OSBPL11: variants seen among roughly 807,000 people sequenced by gnomAD.
The protein encoded by OSBPL11 is oxysterol-binding protein-related protein 11.
Under a neutral mutation model 84.4 loss-of-function variants are expected in OSBPL11, and 33 were observed. The observed-to-expected ratio is 0.39, with a 90% CI of 0.30 to 0.52. OSBPL11 has a LOEUF of 0.52. Among genes scored for constraint, OSBPL11 ranks in the 20% least tolerant of loss-of-function variants. The pLI is 0.72. For synonymous variants in OSBPL11, 276 were observed against 310.2 expected (o/e 0.89, Z 1.16); for missense variants, 736 against 901.1 (o/e 0.82, Z 2.35).
rs750401475 is a variant in OSBPL11 at position 125,563,756 on chromosome 3, C to T, written c.956G>A (p.Ser319Asn). The change falls in exon 7 of 13, where the codon AGT (serine) becomes AAT (asparagine). Residue 319 changes from serine (S) to asparagine (N), a missense_variant. Transcript: ENST00000296220. ...CTCTTCTGGGACTGCCACCGGCTTACTCTGATCAGTTGCAAAGGGCTGGTC... is the reference window on the plus strand; with the variant it reads ...CTCTTCTGGGACTGCCACCGGCTTATTCTGATCAGTTGCAAAGGGCTGGTC... ...GADQPFATDQ[S>N]KPVAVPEEQP... 22 of 1,614,044 alleles carry T rather than the reference C, an allele frequency of 1.4e-5. No homozygotes were observed. The South Asian group carries it at 2.4e-4, about 18-fold the overall frequency.
intron 11 of OSBPL11, among the ~76,000 whole-genome samples, chr3:125,532,663 G>A (rs1176834683): frequency 1.3e-5 from 2 of 150,974 alleles, no homozygotes; most frequent in Admixed American, 6.6e-5. Flanking sequence ...TGGGACAACT[G>A]GATATACATG....
intron 8 of OSBPL11, among the ~76,000 whole-genome samples, 157 bp downstream of exon 8, chr3:125,560,222 T>C (rs903110939): frequency 3.3e-5 from 5 of 151,962 alleles, no homozygotes; most frequent in African/African-American, 7.3e-5. Context: ...GATCGCACCA[T>C]TGCACTCCAG....
chr3:125,582,830 T>C (rs1290086046), intron 2 of OSBPL11, 80 bp downstream of exon 2: 1 of 1,041,558 alleles, frequency 9.6e-7, no homozygotes, highest in Non-Finnish European at 1.4e-6. Flanking sequence ...CTGTCTAAAG[T>C]AATATCAAAA....
At position 125,567,409 on chromosome 3, in the gene OSBPL11, C is replaced by T; in HGVS notation, c.853G>A (p.Gly285Ser). Residue 285 changes from glycine to serine, a missense_variant, in exon 6 of 13, where the codon GGC becomes AGC. Gly to Ser is a moderately conservative substitution (Grantham distance 56, BLOSUM62 0). Around this residue, in one of 3 missense-constraint regions of OSBPL11, gnomAD observed 579 missense variants for 717.6 expected, o/e 0.81. Transcript: ENST00000296220. The stretch of plus-strand genomic sequence containing the variant: ...GACAACTTACCTGAAGGCAATGAGC[C>T]CTTCTGATGTGATGCATGCTGTAAC... Reference protein sequence around the residue: ...LQLQHASHQKGSLPSGTTIEW... With the variant: ...LQLQHASHQKSSLPSGTTIEW... 1.2e-6 allele frequency: 2 copies of T among 1,613,620 alleles called. No individual in the cohort carries two copies. Among genetic ancestry groups the T allele is most frequent in the Non-Finnish European group, 1.7e-6 (2 of 1,179,710 alleles).
At chr3:125,591,991 G>C (rs1017126665) in intron 1 of OSBPL11, among the ~76,000 whole-genome samples, 1 of 151,980 alleles carries the variant, frequency 6.6e-6, no homozygotes, top group South Asian at 2.1e-4. Flanking sequence ...GACAGAGAGA[G>C]ACCTTGTCTC....
chr3:125,587,450 T>A (rs1029469088), intron 1 of OSBPL11, among the ~76,000 whole-genome samples: 1 of 152,154 alleles, frequency 6.6e-6, no homozygotes, highest in Admixed American at 6.5e-5. Context: ...ATAACTGGTA[T>A]TTGAAGTTAC....
intron 7 of OSBPL11, among the ~76,000 whole-genome samples, chr3:125,562,189 T>A (rs1053962539): frequency 2.0e-5 from 3 of 152,180 alleles, no homozygotes; most frequent in Non-Finnish European, 2.9e-5. Context: ...ATAGCCTACA[T>A]GGTATCAATT....
At chr3:125,570,619 T>C (rs1455453317) in intron 5 of OSBPL11, among the ~76,000 whole-genome samples, 1 of 152,110 alleles carries the variant, frequency 6.6e-6, no homozygotes, top group Non-Finnish European at 1.5e-5. Context: ...TGGGGGAAGG[T>C]CTTTCCCATG....
rs532909610 is a variant in OSBPL11 at position 125,573,065 on chromosome 3, T to C, written c.666+3124A>G. 2.6e-5 allele frequency among the ~76,000 whole-genome samples: 4 copies of C among 151,028 alleles called. No individual in the cohort carries two copies. The South Asian group carries it at 6.2e-4, about 24-fold the overall frequency. On this transcript the variant is annotated intron_variant, in intron 5 of 12. Coordinates refer to ENST00000296220, the MANE Select transcript of OSBPL11 (RefSeq NM_022776.5). ...TTGCAGTCTGCTTTAAAACAAAGTATATAATTATAGCATAAATGTTAAAAG... is the reference window on the plus strand; with the variant it reads ...TTGCAGTCTGCTTTAAAACAAAGTACATAATTATAGCATAAATGTTAAAAG...
At chr3:125,565,789 T>C (rs1936144328) in intron 6 of OSBPL11, among the ~76,000 whole-genome samples, 1 of 152,170 alleles carries the variant, frequency 6.6e-6, no homozygotes, top group South Asian at 2.1e-4. Flanking sequence ...GACTCTTCTA[T>C]CACTTTGGAA....
chr3:125,538,090 T>C (rs1935668536), intron 11 of OSBPL11, among the ~76,000 whole-genome samples: 1 of 152,240 alleles, frequency 6.6e-6, no homozygotes, highest in Non-Finnish European at 1.5e-5. Context: ...TCCGATATTT[T>C]TGCACTACCT....
At position 125,530,434 on chromosome 3, in the gene OSBPL11, C is replaced by G; in HGVS notation, c.*81G>C. The G allele has an allele frequency of 7.8e-7, 1 of 1,277,986 alleles. No individual in the cohort carries two copies. The highest frequency in any genetic ancestry group is 1.1e-6 in the Non-Finnish European group (1 of 878,048). The allele number at this position is 1,277,986 out of a possible 1,614,324, so 79.2% of individuals were successfully genotyped here. A position where few individuals can be genotyped will look rare whatever the true frequency, so the allele number is the denominator to read the frequency against. ...GTCTGCGCAATCAGGAAGCAGGTCA[C>G]TCAGTGCAATGACTCCATTCTGGGA... On this transcript the variant is annotated 3_prime_UTR_variant, in exon 13 of 13. Transcript: ENST00000296220.
chr3:125,552,079 G>T, intron 9 of OSBPL11, 102 bp downstream of exon 9: 1 of 654,350 alleles, frequency 1.5e-6, no homozygotes. Context: ...CTGTTCTAAA[G>T]CCTTTTAAAG....
intron 9 of OSBPL11, among the ~76,000 whole-genome samples, chr3:125,550,381 A>T (rs1181856743): frequency 6.8e-6 from 1 of 146,530 alleles, no homozygotes; most frequent in African/African-American, 2.6e-5. Context: ...TCACACACAC[A>T]CACACACACA....
rs764263279 is a variant in OSBPL11, at chr3:125,563,737, T to C, written c.975A>G (p.Pro325=). 13 of 1,614,106 alleles carry C rather than the reference T, an allele frequency of 8.1e-6. No individual in the cohort carries two copies. Among genetic ancestry groups the C allele is most frequent in the African/African-American group, 1.3e-5 (1 of 74,946 alleles). Residue 325 remains proline, a synonymous_variant, in exon 7 of 13, where the codon CCA becomes CCG. Transcript: ENST00000296220. ...ATDQSKPVAV[P]EEQPVAESGL... ...CAGATTCTGCAACAGGCTGCTCTTC[T>C]GGGACTGCCACCGGCTTACTCTGAT...
chr3:125,538,082 C>T (rs953151231), intron 11 of OSBPL11, among the ~76,000 whole-genome samples: 1 of 152,086 alleles, frequency 6.6e-6, no homozygotes, highest in Non-Finnish European at 1.5e-5. Flanking sequence ...TAAGATGTTC[C>T]GATATTTTTG....
chr3:125,546,901 CA>C (rs34621695), intron 10 of OSBPL11, among the ~76,000 whole-genome samples: 10,482 of 140,124 alleles, frequency 0.075, 470 homozygotes, highest in Non-Finnish European at 0.11. Context: ...AAACAAATGA[CA>C]AAAAAAAAAA....
chr3:125,582,977 C>T lies in OSBPL11; in HGVS notation c.166G>A (p.Asp56Asn), dbSNP rs926802780. Reference sequence around the variant, plus strand: ...TAGCCATACACATTTTCCATGTGATCACTATTTCAAAATGAAAAAGCCAAA... The same window carrying T: ...TAGCCATACACATTTTCCATGTGATTACTATTTCAAAATGAAAAAGCCAAA... ...GGSAKGWQYS[D>N]HMENVYGYLM... The change falls in exon 2 of 13, where the codon GAT (aspartate) becomes AAT (asparagine). Residue 56 changes from aspartate (D) to asparagine (N), a missense_variant and splice_region_variant. By Grantham distance (23) the Asp-to-Asn change is conservative. This residue lies in a region of OSBPL11 where 114 missense variants were observed against 104.9 expected (regional missense o/e 1.09). Coordinates refer to ENST00000296220, the MANE Select transcript of OSBPL11 (RefSeq NM_022776.5). 6.3e-7 allele frequency: 1 copy of T among 1,578,912 alleles called. No homozygotes were observed. Among genetic ancestry groups the T allele is most frequent in the Non-Finnish European group, 8.5e-7 (1 of 1,170,182 alleles).
intron 1 of OSBPL11, among the ~76,000 whole-genome samples, chr3:125,591,870 G>A (rs983456497): frequency 2.0e-5 from 3 of 152,064 alleles, no homozygotes; most frequent in Non-Finnish European, 4.4e-5. Flanking sequence ...GGGCATGGTG[G>A]TGTACACCTG....
Sources: gnomAD v4.1 joint callset for allele counts (sites outside exome capture counted in the v4.1 genomes callset) on GRCh38, gnomAD v4.1.1 for gene constraint, gnomAD v4.1.1 regional missense constraint, MANE v1.5 for transcripts, NCBI Gene and HGNC (gene_info 2026-07-23, HGNC 2026-07-21) for gene names.